Variants in EPG5 observed in about 807,000 individuals in gnomAD.
EPG5 encodes ectopic P granules protein 5 homolog.
In EPG5, 159 loss-of-function variants were observed where a neutral mutation model predicts 302.7. That is an observed-to-expected ratio of 0.53 (90% CI 0.46 to 0.60). The LOEUF (loss-of-function observed/expected upper bound fraction) is 0.60, where lower values mean the gene tolerates loss of function less well. EPG5 is among the 20% of genes least tolerant of loss of function. The pLI is 0.00. For missense variants in EPG5, 2,896 were observed against 3,092.4 expected, an observed-to-expected ratio of 0.94 and a Z score of 1.51; for synonymous variants, 1,158 against 1,136.8, an observed-to-expected ratio of 1.02 and a Z score of -0.37.
rs772333936 is a variant in EPG5 at position 45,943,178 on chromosome 18, T to C, written c.1926A>G (p.Arg642=). 1 of 1,614,106 alleles carries C rather than the reference T, an allele frequency of 6.2e-7. No homozygotes were observed. Among genetic ancestry groups the C allele is most frequent in the Non-Finnish European group, 8.5e-7 (1 of 1,180,014 alleles). The part of the protein sequence containing the change: ...NRARYRQFVK[R]IGYMIRMTLG... ...AGTATTACCTGATCATATAACCAAT[T>C]CGCTTCACAAACTGCCTATAGCGTG... The change falls in exon 9 of 44, where the codon CGA becomes CGG. Residue 642 remains arginine, a synonymous_variant. Transcript: ENST00000282041.
intron 43 of EPG5, 124 bp from the exon 44 acceptor site, chr18:45,852,773 G>T (rs2048441578): frequency 2.0e-5 from 17 of 842,328 alleles, no homozygotes; most frequent in Middle Eastern, 4.7e-4. Context: ...GAGGCCTACA[G>T]AACTGAGGCC....
rs767849521 is a variant in EPG5, at chr18:45,904,048, T to C, written c.4399A>G (p.Thr1467Ala). The C allele has an allele frequency of 6.2e-7, 1 of 1,613,262 alleles. No individual in the cohort carries two copies. The highest frequency in any genetic ancestry group is 1.1e-5 in the South Asian group (1 of 90,928). Residue 1467 changes from threonine (T) to alanine (A), a missense_variant, in exon 25 of 44, where the codon ACA becomes GCA. This residue lies in a region of EPG5 where 790 missense variants were observed against 798.0 expected (regional missense o/e 0.99). Transcript: ENST00000282041. ...HEFQETVGLW[T>A]QAKLESHSTP... is the part of the protein sequence containing the mutation. ...GAATGGGACTCAAGCTTGGCCTGTGTCCACAGACCAACAGTCTCCTGAAAC... is the reference window on the plus strand; with the variant it reads ...GAATGGGACTCAAGCTTGGCCTGTGCCCACAGACCAACAGTCTCCTGAAAC...
chr18:45,920,475 T>C (rs138099583), intron 16 of EPG5, among the ~76,000 whole-genome samples: 1 of 152,076 alleles, frequency 6.6e-6, no homozygotes, highest in Non-Finnish European at 1.5e-5. Flanking sequence ...GGGCAATTAA[T>C]AAAGAAAAAA....
chr18:45,855,637 G>A lies in EPG5; in HGVS notation c.7493C>T (p.Pro2498Leu). 1.2e-6 allele frequency: 2 copies of A among 1,614,174 alleles called. No homozygotes were observed. The highest frequency in any genetic ancestry group is 1.7e-6 in the Non-Finnish European group (2 of 1,180,030). ...CCTCAAACGGATCTGATCTTCCATA[G>A]GAACCTGAACTGAAAGGAAGGCAGC... ...SMAAFLSVQV[P>L]MEDQIRLRPG... The change falls in exon 43 of 44, where the codon CCT becomes CTT. Residue 2498 changes from proline (P) to leucine (L), a missense_variant. Pro to Leu is a moderately conservative substitution (Grantham distance 98). Transcript: ENST00000282041.
chr18:45,912,879 A>G (rs1455076249), intron 21 of EPG5, among the ~76,000 whole-genome samples: 1 of 152,170 alleles, frequency 6.6e-6, no homozygotes, highest in Admixed American at 6.5e-5. Context: ...CTTCAGGTCA[A>G]GAGTTCAAGA....
chr18:45,867,078 T>C (rs1011958171), intron 37 of EPG5, 71 bp from the exon 38 acceptor site: 10 of 1,066,446 alleles, frequency 9.4e-6, no homozygotes, highest in Non-Finnish European at 1.3e-5. Flanking sequence ...TGCTAACTAG[T>C]CTGTGGAATA....
At chr18:45,826,074 G>A in the EPG5 span, among the ~76,000 whole-genome samples, 9 of 152,186 alleles carry the variant, frequency 5.9e-5, no homozygotes, top group Admixed American at 5.2e-4. Flanking sequence ...GAGGACAATA[G>A]GCCAGGTACA....
the EPG5 span, among the ~76,000 whole-genome samples, chr18:45,808,077 C>T: frequency 6.6e-6 from 1 of 152,060 alleles, no homozygotes; most frequent in East Asian, 1.9e-4. Context: ...TATAGAAATG[C>T]AAAATGCTCT....
rs762207905 is a variant in EPG5, at chr18:45,880,140, C to G, written c.5602G>C (p.Gly1868Arg). ...ACGGCGCCCTCGGTGGACGCTGCCC[C>G]CTGCTGGCAGCTGGGGGCGCAGCAG... ...LGCCAPSCQQ[G>R]AASTEGAVLP... The change falls in exon 32 of 44, where the codon GGG becomes CGG. Residue 1868 changes from glycine to arginine, a missense_variant. Coordinates refer to ENST00000282041, the MANE Select transcript of EPG5 (RefSeq NM_020964.3). The G allele has an allele frequency of 5.0e-6, 8 of 1,611,506 alleles. No homozygotes were observed. The highest frequency in any genetic ancestry group is 2.2e-5 in the South Asian group (2 of 90,906).
intron 27 of EPG5, among the ~76,000 whole-genome samples, chr18:45,891,977 C>G (rs1369234469): frequency 6.6e-6 from 1 of 152,110 alleles, no homozygotes; most frequent in Non-Finnish European, 1.5e-5. Context: ...CACAGAATCC[C>G]CTGGCTGGCC....
intron 36 of EPG5, chr18:45,868,062 A>G (rs1417084382): frequency 2.1e-6 from 1 of 481,174 alleles, no homozygotes; most frequent in Non-Finnish European, 4.1e-6. Context: ...CTGGAGCTGC[A>G]GGGAGTGTAT....
the EPG5 span, among the ~76,000 whole-genome samples, chr18:45,834,611 T>C: frequency 6.6e-6 from 1 of 152,188 alleles, no homozygotes; most frequent in Non-Finnish European, 1.5e-5. Context: ...TGGCAGACTG[T>C]AGTGTAATTA....
chr18:45,857,703 G>GT (rs200831995), intron 42 of EPG5, 150 bp downstream of exon 42: 11,222 of 522,040 alleles, frequency 0.021, 1 homozygote, highest in Middle Eastern at 0.029. Flanking sequence ...ATCAGGCTCT[G>GT]TTTTTTTTTT....
the EPG5 span, chr18:45,837,421 G>T: frequency 7.2e-7 from 1 of 1,387,026 alleles, no homozygotes; most frequent in South Asian, 1.6e-5. Flanking sequence ...GGGGTTGGGG[G>T]AGCGTTTCCT....
intron 3 of EPG5, 77 bp downstream of exon 3, chr18:45,952,323 G>A: frequency 6.6e-7 from 1 of 1,522,486 alleles, no homozygotes; most frequent in South Asian, 1.2e-5. Flanking sequence ...TTACTATACA[G>A]TCAATTCAAC....
chr18:45,858,036 C>T lies in EPG5; in HGVS notation c.7259G>A (p.Trp2420Ter). ...SVEEEAKLFL[W>*]WHQVLQLSLI... is the part of the protein sequence containing the mutation. ...GGAGAGCTGAAGGACTTGGTGCCAC[C>T]ACAAAAACAGCTTTGCCTCTTCCTC... is the stretch of plus-strand genomic sequence containing the variant. Residue 2420 changes from tryptophan (W) to a stop codon, truncating the protein, a stop_gained, in exon 42 of 44, where the codon TGG (tryptophan) becomes TAG (stop). Coordinates refer to ENST00000282041, the MANE Select transcript of EPG5 (RefSeq NM_020964.3). LOFTEE classifies it high-confidence loss of function. 6.2e-7 allele frequency: 1 copy of T among 1,613,726 alleles called. No homozygotes were observed. The highest frequency in any genetic ancestry group is 8.5e-7 in the Non-Finnish European group (1 of 1,179,842).
chr18:45,808,418 C>A, the EPG5 span, among the ~76,000 whole-genome samples: 165 of 152,210 alleles, frequency 1.1e-3, 3 homozygotes, highest in Admixed American at 0.011. Flanking sequence ...TACCTATGCA[C>A]GTTGTCAACA....
In EPG5 at chr18:45,910,673, T is replaced by C. The variant is rs2049871737; in HGVS notation, c.4053A>G (p.Glu1351=). The change falls in exon 23 of 44, where the codon GAA becomes GAG. Residue 1351 remains glutamate, a synonymous_variant. Transcript: ENST00000282041. ...QSPAHINLLK[E]MKRRLTEVAD... is the part of the protein sequence containing the mutation. The stretch of plus-strand genomic sequence containing the variant: ...CCACCTCGGTCAAACGTCTCTTCAT[T>C]TCTTTCAACAAATTGATATGAGCAG... The C allele has an allele frequency of 6.2e-7, 1 of 1,614,064 alleles. No homozygotes were observed. Among genetic ancestry groups the C allele is most frequent in the African/African-American group, 1.3e-5 (1 of 74,926 alleles).
chr18:45,947,670 G>A (rs566837662), intron 6 of EPG5, among the ~76,000 whole-genome samples: 1 of 152,124 alleles, frequency 6.6e-6, no homozygotes, highest in Non-Finnish European at 1.5e-5. Flanking sequence ...TGATCTACCT[G>A]TGCTCCGTAC....
Sources: gnomAD v4.1 joint callset for allele counts (sites outside exome capture counted in the v4.1 genomes callset) on GRCh38, gnomAD v4.1.1 for gene constraint, gnomAD v4.1.1 regional missense constraint, MANE v1.5 for transcripts, NCBI Gene and HGNC (gene_info 2026-07-23, HGNC 2026-07-21) for gene names.